The following CANX variants were observed in gnomAD, a reference collection of about 807,000 sequenced individuals.
The protein encoded by CANX is epididymis secretory sperm binding protein.
Under a neutral mutation model 75.7 loss-of-function variants are expected in CANX, and 14 were observed. The ratio of observed to expected loss-of-function variants is 0.19; its 90% CI spans 0.12 to 0.29. CANX has a LOEUF of 0.29. Among genes scored for constraint, CANX ranks in the 10% least tolerant of loss-of-function variants. The pLI is 1.00. For missense variants in CANX, 567 were observed against 713.2 expected, an observed-to-expected ratio of 0.79 and a Z score of 2.34; for synonymous variants, 227 against 236.9, an observed-to-expected ratio of 0.96 and a Z score of 0.38.
At chr5:179,680,999 G>T in intron 1 of CANX, 2 of 1,284,714 alleles carry the variant, frequency 1.6e-6, no homozygotes, top group Non-Finnish European at 2.2e-6. Context: ...TCACCTGGAA[G>T]ATGGGGTGGA....
intron 7 of CANX, among the ~76,000 whole-genome samples, chr5:179,712,500 C>G (rs1777640789): frequency 6.6e-6 from 1 of 151,910 alleles, no homozygotes; most frequent in South Asian, 2.1e-4. Context: ...CTCACCACAA[C>G]CTCTGCCTCT....
chr5:179,723,071 T>C (rs1299326108), intron 11 of CANX, 52 bp downstream of exon 11: 6 of 1,501,380 alleles, frequency 4.0e-6, no homozygotes, highest in Admixed American at 1.8e-5. Flanking sequence ...GGAGCTGTTA[T>C]TTTGTGAAAG....
upstream of CANX, among the ~76,000 whole-genome samples, chr5:179,696,438 G>A (rs1359142815): frequency 6.6e-6 from 1 of 151,712 alleles, no homozygotes; most frequent in Non-Finnish European, 1.5e-5. Flanking sequence ...AGTATGCCCG[G>A]CTAATTTTTG....
At chr5:179,718,312 G>A (rs1778094093) in intron 8 of CANX, among the ~76,000 whole-genome samples, 4 of 151,916 alleles carry the variant, frequency 2.6e-5, no homozygotes, top group Admixed American at 6.6e-5. Flanking sequence ...AAGTAGCTGG[G>A]ACTACAAGCG....
At chr5:179,710,137 AT>A in intron 7 of CANX, 72 bp downstream of exon 7, 1 of 986,328 alleles carries the variant, frequency 1.0e-6, no homozygotes, top group South Asian at 1.6e-5. Flanking sequence ...AAGATTGTAT[AT>A]CTGGCCGGGC....
rs1778532469 is a variant in CANX, at chr5:179,724,665, C to T, written c.1527C>T (p.Thr509=). The change falls in exon 13 of 15, where the codon ACC becomes ACT. Residue 509 remains threonine, a synonymous_variant. Transcript: ENST00000247461. ...ILFCCSGKKQ[T]SGMEYKKTDA... Reference sequence around the variant, plus strand: ...TTTGGGGAACATTTCAGAAACAGACCAGTGGTATGGAGTATAAGAAAACTG... The same window carrying T: ...TTTGGGGAACATTTCAGAAACAGACTAGTGGTATGGAGTATAAGAAAACTG... 1 of 1,612,564 alleles carries T rather than the reference C, an allele frequency of 6.2e-7. No homozygotes were observed. Among genetic ancestry groups the T allele is most frequent in the Non-Finnish European group, 8.5e-7 (1 of 1,179,068 alleles).
At chr5:179,695,573 C>A (rs576264259), upstream of CANX, among the ~76,000 whole-genome samples, 1 of 152,310 alleles carries the variant, frequency 6.6e-6, no homozygotes, top group Non-Finnish European at 1.5e-5. Context: ...AGGTGATCCA[C>A]CCGCCTTGGC....
upstream of CANX, chr5:179,698,729 G>T: frequency 1.4e-6 from 1 of 716,162 alleles, no homozygotes; most frequent in South Asian, 1.6e-5. Flanking sequence ...AGCGTGGCCC[G>T]CCCCTCACCT....
chr5:179,706,900 T>C (rs1429547496), intron 3 of CANX, among the ~76,000 whole-genome samples: 1 of 152,224 alleles, frequency 6.6e-6, no homozygotes, highest in Non-Finnish European at 1.5e-5. Flanking sequence ...AAATTTTCTC[T>C]TGATGTTAAA....
Position 179,729,403 on chromosome 5 carries a change from G to T in CANX, c.*759G>T, listed in dbSNP as rs1425059514. Reference sequence around the variant, plus strand: ...ACTTGGGCATTTATATTCCACTTGGGAGGGTCAGGCTGTGGCCTTCTGGAG... The same window carrying T: ...ACTTGGGCATTTATATTCCACTTGGTAGGGTCAGGCTGTGGCCTTCTGGAG... On this transcript the variant is annotated 3_prime_UTR_variant, in exon 15 of 15. Transcript: ENST00000247461. 1 of 153,280 alleles carries T rather than the reference G, an allele frequency of 6.5e-6. No homozygotes were observed. The highest frequency in any genetic ancestry group is 1.9e-4 in the East Asian group (1 of 5,222). 9.5% of individuals were successfully genotyped at this position (153,280 alleles called of 1,614,324 possible). A position where few individuals can be genotyped will look rare whatever the true frequency, so the allele number is the denominator to read the frequency against.
upstream of CANX, chr5:179,698,639 A>G (rs1224091114): frequency 1.6e-6 from 2 of 1,234,410 alleles, no homozygotes; most frequent in Admixed American, 4.6e-5. Flanking sequence ...GAACGCCCCG[A>G]AGGCACCACA....
At position 179,729,564 on chromosome 5, in the gene CANX, A is replaced by G. The variant is rs1481116681; in HGVS notation, c.*920A>G. The stretch of plus-strand genomic sequence containing the variant: ...CAGATCCCCAGCTTTCTCCTCTGCT[A>G]TGCATTTTCTTCACAGTGCAGCTTG... On this transcript the variant is annotated 3_prime_UTR_variant, in exon 15 of 15. Transcript: ENST00000247461. The G allele has an allele frequency of 6.5e-6, 1 of 152,736 alleles. No individual in the cohort carries two copies. The highest frequency in any genetic ancestry group is 1.9e-4 in the East Asian group (1 of 5,206). 9.5% of individuals were successfully genotyped at this position (152,736 alleles called of 1,614,324 possible). A position where few individuals can be genotyped will look rare whatever the true frequency, so the allele number is the denominator to read the frequency against.
At chr5:179,693,895 ATCTTTT>A (rs1776343886), upstream of CANX, among the ~76,000 whole-genome samples, 2 of 152,180 alleles carry the variant, frequency 1.3e-5, no homozygotes, top group South Asian at 4.1e-4. Flanking sequence ...ATAGTTACAT[ATCTTTT>A]TCTTTGTCCA....
At chr5:179,689,019 C>T (rs1017033574) in intron 1 of CANX, among the ~76,000 whole-genome samples, 5 of 151,856 alleles carry the variant, frequency 3.3e-5, no homozygotes, top group African/African-American at 9.7e-5. Context: ...GAGGCCAAGG[C>T]GGGTGGATCA....
At chr5:179,681,353 T>C (rs189449528) in intron 1 of CANX, among the ~76,000 whole-genome samples, 98 of 152,220 alleles carry the variant, frequency 6.4e-4, no homozygotes, top group African/African-American at 2.3e-3. Flanking sequence ...TAACAGAGCG[T>C]GTCATGGGTC....
chr5:179,682,750 T>A (rs1581812641), intron 1 of CANX, among the ~76,000 whole-genome samples: 1 of 144,382 alleles, frequency 6.9e-6, no homozygotes, highest in African/African-American at 2.6e-5. Context: ...ATACGTACAG[T>A]GAAGAAAACA....
intron 7 of CANX, among the ~76,000 whole-genome samples, chr5:179,714,769 G>A (rs995906450): frequency 9.2e-5 from 14 of 151,564 alleles, no homozygotes; most frequent in African/African-American, 2.7e-4. Context: ...CGCCCGTCTC[G>A]GCCTCCCAAA....
At chr5:179,684,893 C>T (rs1313511118) in intron 1 of CANX, among the ~76,000 whole-genome samples, 1 of 143,396 alleles carries the variant, frequency 7.0e-6, no homozygotes, top group African/African-American at 2.6e-5. Flanking sequence ...AGTGGGATTA[C>T]AGGCGTGTGC....
intron 7 of CANX, 84 bp from the exon 8 acceptor site, chr5:179,716,021 C>T (rs1053016345): frequency 9.9e-6 from 10 of 1,014,324 alleles, no homozygotes; most frequent in East Asian, 2.4e-5. Flanking sequence ...TGCTGCTTCA[C>T]GTTAGAAGTC....
Sources: allele counts gnomAD v4.1 joint callset (sites outside exome capture counted in the v4.1 genomes callset), GRCh38; gene constraint gnomAD v4.1.1; transcripts MANE v1.5; gene names NCBI Gene and HGNC (gene_info 2026-07-23, HGNC 2026-07-21).